GPC5: variants seen among roughly 807,000 people sequenced by gnomAD.
GPC5 encodes glypican-5.
A neutral mutation model predicts 53.9 loss-of-function variants in GPC5; 47 were observed. The ratio of observed to expected loss-of-function variants is 0.87; its 90% CI spans 0.69 to 1.11. The LOEUF (loss-of-function observed/expected upper bound fraction) is 1.11. GPC5 is among the 50% of genes most tolerant of loss of function. The pLI is 0.00. For missense variants in GPC5, 748 were observed against 713.1 expected (o/e 1.05, Z -0.56); for synonymous variants, 286 against 263.3 (o/e 1.09, Z -0.84).
At chr13:92,763,224 C>T (rs1450871318) in intron 7 of GPC5, among the ~76,000 whole-genome samples, 3 of 152,158 alleles carry the variant, frequency 2.0e-5, no homozygotes, top group Admixed American at 2.0e-4. Context: ...ATTGGTAGAA[C>T]AATCATCTCT....
At chr13:92,063,518 T>C (rs899436155) in intron 6 of GPC5, among the ~76,000 whole-genome samples, 5 of 152,102 alleles carry the variant, frequency 3.3e-5, no homozygotes, top group Admixed American at 1.3e-4. Context: ...GAAGGAAATA[T>C]GTATTATCTA....
chr13:92,733,256 T>C (rs1888854322), intron 7 of GPC5, among the ~76,000 whole-genome samples: 1 of 151,746 alleles, frequency 6.6e-6, no homozygotes, highest in African/African-American at 2.4e-5. Flanking sequence ...TGAAACTCAA[T>C]GTTGTGCTTG....
intron 5 of GPC5, among the ~76,000 whole-genome samples, chr13:91,790,828 C>G (rs552136521): frequency 6.6e-6 from 1 of 152,238 alleles, no homozygotes; most frequent in South Asian, 2.1e-4. Context: ...CTATTCATTT[C>G]TTTTTTACAC....
chr13:92,631,308 A>G (rs1885228840), intron 7 of GPC5, among the ~76,000 whole-genome samples: 1 of 152,162 alleles, frequency 6.6e-6, no homozygotes, highest in Non-Finnish European at 1.5e-5. Context: ...ATATCATATT[A>G]CTTCCCATTT....
rs150377493 is a variant in GPC5 at position 92,527,775 on chromosome 13, T to C, written c.1562-338507T>C. On this transcript the variant is annotated intron_variant, in intron 7 of 7. Transcript: ENST00000377067. ...TACTTTCATGAGCTTAAATACTAAATTTTTCTTAACTTTGATTCATTAGGT... is the reference window on the plus strand; with the variant it reads ...TACTTTCATGAGCTTAAATACTAAACTTTTCTTAACTTTGATTCATTAGGT... 2.4e-3 allele frequency among the ~76,000 whole-genome samples: 372 copies of C among 152,250 alleles called. 1 individual carries two copies. Among genetic ancestry groups the C allele is most frequent in the African/African-American group, 8.2e-3 (341 of 41,552 alleles).
chr13:91,903,031 C>CTTTTT (rs3029748), intron 5 of GPC5, among the ~76,000 whole-genome samples: 1 of 148,188 alleles, frequency 6.7e-6, no homozygotes, highest in Non-Finnish European at 1.5e-5. Flanking sequence ...CAGCTCAGTA[C>CTTTTT]TTTTTTTTTT....
intron 7 of GPC5, among the ~76,000 whole-genome samples, chr13:92,660,864 G>C (rs1217733338): frequency 1.3e-5 from 2 of 151,868 alleles, no homozygotes; most frequent in Non-Finnish European, 2.9e-5. Context: ...TGGAAACATG[G>C]CTAATGGAAC....
chr13:92,023,662 G>A (rs2040776646), intron 6 of GPC5, among the ~76,000 whole-genome samples: 1 of 73,574 alleles, frequency 1.4e-5, no homozygotes, highest in Non-Finnish European at 3.0e-5. Context: ...CTCCTTTGCT[G>A]AGGACACACA....
intron 7 of GPC5, among the ~76,000 whole-genome samples, chr13:92,164,953 G>C (rs929793463): frequency 6.6e-6 from 1 of 152,238 alleles, no homozygotes; most frequent in Non-Finnish European, 1.5e-5. Flanking sequence ...GGCCTGAGCT[G>C]TACGTTGGCC....
At chr13:92,725,302 T>C (rs1888612794) in intron 7 of GPC5, among the ~76,000 whole-genome samples, 1 of 151,534 alleles carries the variant, frequency 6.6e-6, no homozygotes, top group Admixed American at 6.6e-5. Context: ...AGTAATTTGT[T>C]TAAGAGTACC....
At chr13:91,951,440 G>C (rs946719546) in intron 6 of GPC5, among the ~76,000 whole-genome samples, 49 of 152,086 alleles carry the variant, frequency 3.2e-4, no homozygotes, top group African/African-American at 1.1e-3. Context: ...AATTCTAAAT[G>C]GAAAATGCAA....
intron 7 of GPC5, among the ~76,000 whole-genome samples, chr13:92,625,710 G>A (rs1326465068): frequency 6.6e-6 from 1 of 152,198 alleles, no homozygotes; most frequent in South Asian, 2.1e-4. Flanking sequence ...TCCTTCAGCA[G>A]TCTGTTCCTT....
intron 2 of GPC5, among the ~76,000 whole-genome samples, chr13:91,501,645 T>A (rs1168952785): frequency 2.0e-5 from 3 of 152,206 alleles, no homozygotes; most frequent in African/African-American, 7.2e-5. Flanking sequence ...CAGTCTATCA[T>A]TGTTGGACAT....
intron 6 of GPC5, among the ~76,000 whole-genome samples, chr13:92,095,792 C>A (rs548753514): frequency 3.3e-5 from 5 of 152,248 alleles, no homozygotes; most frequent in Admixed American, 3.3e-4. Context: ...ATCAGCCTCC[C>A]AAAGTGCTAG....
rs1268436083 is a variant in GPC5 at position 92,069,051 on chromosome 13, G to A, written c.1402-75779G>A. 5.3e-5 allele frequency among the ~76,000 whole-genome samples: 8 copies of A among 151,958 alleles called. No individual in the cohort carries two copies. The East Asian group carries it at 1.4e-3, about 26-fold the overall frequency. ...TTCATCAACTTTGTGTGTAACATAAGGTCAGAATCCAACTTCGTTTATTTG... is the reference window on the plus strand; with the variant it reads ...TTCATCAACTTTGTGTGTAACATAAAGTCAGAATCCAACTTCGTTTATTTG... On this transcript the variant is annotated intron_variant, in intron 6 of 7. Transcript: ENST00000377067.
chr13:92,276,737 A>G (rs2042878369), intron 7 of GPC5, among the ~76,000 whole-genome samples: 1 of 152,126 alleles, frequency 6.6e-6, no homozygotes, highest in African/African-American at 2.4e-5. Flanking sequence ...TTTTATTACT[A>G]TACAATATCC....
chr13:91,792,283 T>C (rs954942086), intron 5 of GPC5, among the ~76,000 whole-genome samples: 59 of 152,212 alleles, frequency 3.9e-4, no homozygotes, highest in Non-Finnish European at 1.2e-4. Flanking sequence ...TCTAGTATAG[T>C]AACACATGTT....
At chr13:91,445,802 A>T (rs1471660205) in intron 1 of GPC5, among the ~76,000 whole-genome samples, 1 of 152,104 alleles carries the variant, frequency 6.6e-6, no homozygotes, top group Admixed American at 6.5e-5. Flanking sequence ...TTGGTTCTGG[A>T]ATTTCCCATT....
At chr13:91,513,354 TTGTGTGTGTGTGTG>T (rs139449591) in intron 2 of GPC5, among the ~76,000 whole-genome samples, 1 of 149,468 alleles carries the variant, frequency 6.7e-6, no homozygotes, top group Non-Finnish European at 1.5e-5. Context: ...TTGTTTTCAT[TTGTGTGTGTGTGTG>T]TGTGTGTGTG....
Sources: gnomAD v4.1 joint callset for allele counts (sites outside exome capture counted in the v4.1 genomes callset) on GRCh38, gnomAD v4.1.1 for gene constraint, MANE v1.5 for transcripts, NCBI Gene and HGNC (gene_info 2026-07-23, HGNC 2026-07-21) for gene names.